Variants in OPCML observed in about 807,000 individuals in gnomAD.
OPCML encodes the protein opioid binding protein/cell adhesion molecule like.
Under a neutral mutation model 37.8 loss-of-function variants are expected in OPCML, and 13 were observed. That is an observed-to-expected ratio of 0.34 (90% CI 0.22 to 0.55). The LOEUF is 0.55. Ranked by LOEUF, OPCML falls within the 20% of genes least tolerant of loss-of-function variation. OPCML has a pLI of 0.91. For synonymous variants in OPCML, 176 were observed against 168.8 expected, an observed-to-expected ratio of 1.04 and a Z score of -0.33; for missense variants, 341 against 435.6, an observed-to-expected ratio of 0.78 and a Z score of 1.93.
chr11:133,120,860 C>A (rs1480888081), intron 1 of OPCML, among the ~76,000 whole-genome samples: 1 of 152,122 alleles, frequency 6.6e-6, no homozygotes, highest in Admixed American at 6.5e-5. Flanking sequence ...AGATACTGAA[C>A]ACCATCAGTT....
intron 2 of OPCML, among the ~76,000 whole-genome samples, chr11:132,939,083 C>A (rs1027653608): frequency 6.6e-6 from 1 of 152,170 alleles, no homozygotes; most frequent in Non-Finnish European, 1.5e-5. Context: ...GGAGTAAAGT[C>A]TTTGCATTTA....
At chr11:133,276,588 A>C (rs1350910076) in intron 1 of OPCML, among the ~76,000 whole-genome samples, 3 of 152,250 alleles carry the variant, frequency 2.0e-5, no homozygotes, top group Non-Finnish European at 4.4e-5. Context: ...TGACCTTGGC[A>C]GCTCTGACAT....
chr11:133,386,379 G>A (rs1362164252), intron 1 of OPCML, among the ~76,000 whole-genome samples: 1 of 152,164 alleles, frequency 6.6e-6, no homozygotes, highest in Non-Finnish European at 1.5e-5. Context: ...GTTTGCTTAT[G>A]GCGCATTTAA....
In OPCML at chr11:132,725,309, C is replaced by T. The variant is rs896739899; in HGVS notation, c.147-67990G>A. Among the ~76,000 whole-genome samples the T allele has an allele frequency of 2.6e-5, 4 of 152,230 alleles. No individual in the cohort carries two copies. In the South Asian group the frequency reaches 6.2e-4, roughly 24 times the overall value. On this transcript the variant is annotated intron_variant, in intron 2 of 7. Coordinates refer to ENST00000524381, the MANE Select transcript of OPCML (RefSeq NM_001012393.5). ...AGGCTTATAGTCTCTGAAATCACAGCCCAAACTCTACATTGGCCCCTTTTA... is the reference window on the plus strand; with the variant it reads ...AGGCTTATAGTCTCTGAAATCACAGTCCAAACTCTACATTGGCCCCTTTTA...
At chr11:133,006,395 AC>A (rs1194973759) in intron 1 of OPCML, 1 of 966,474 alleles carries the variant, frequency 1.0e-6, no homozygotes, top group Non-Finnish European at 1.2e-6. Flanking sequence ...GGGACAAAGA[AC>A]CCCATCTTTA....
rs889468885 is a variant in OPCML, at chr11:132,999,570, G to T, written c.62-56560C>A. On this transcript the variant is annotated intron_variant, in intron 1 of 7. Transcript: ENST00000524381. ...TCTGCTCCAAGTGACAAATGGGGTC[G>T]GGGGGGGAATGCCACCGGTAATGAA... Among the ~76,000 whole-genome samples, 10 of 105,460 alleles carry T rather than the reference G, an allele frequency of 9.5e-5. 1 individual carries two copies. Among genetic ancestry groups the T allele is most frequent in the Admixed American group, 2.7e-4 (2 of 7,294 alleles). 69.2% of individuals were successfully genotyped at this position (105,460 alleles called of 152,430 possible).
At chr11:132,981,546 G>A (rs78233878) in intron 1 of OPCML, among the ~76,000 whole-genome samples, 2,178 of 152,230 alleles carry the variant, frequency 0.014, 65 homozygotes, top group African/African-American at 0.05. Context: ...AGGAACCACC[G>A]CACGTTTATA....
intron 1 of OPCML, among the ~76,000 whole-genome samples, chr11:133,063,052 C>T (rs182892609): frequency 5.8e-4 from 89 of 152,302 alleles, no homozygotes; most frequent in Admixed American, 3.1e-3. Context: ...GGAGTTTTCC[C>T]GTTGTATTCC....
At chr11:132,937,592 T>G (rs200740706) in intron 2 of OPCML, among the ~76,000 whole-genome samples, 1 of 86,788 alleles carries the variant, frequency 1.2e-5, no homozygotes, top group Non-Finnish European at 2.5e-5. Context: ...GTGGCGTGTG[T>G]GGGGTGTGTG....
intron 1 of OPCML, among the ~76,000 whole-genome samples, chr11:133,330,635 A>G (rs1943597033): frequency 6.8e-6 from 1 of 147,242 alleles, no homozygotes; most frequent in Non-Finnish European, 1.5e-5. Context: ...GAATTGAACA[A>G]TGAGAACACA....
chr11:132,793,273 G>A (rs527314731), intron 2 of OPCML, among the ~76,000 whole-genome samples: 1 of 152,328 alleles, frequency 6.6e-6, no homozygotes, highest in South Asian at 2.1e-4. Flanking sequence ...AATCTGAGGG[G>A]AGTAGGGACA....
chr11:132,663,280 G>T (rs1224562092), intron 2 of OPCML, among the ~76,000 whole-genome samples: 1 of 152,130 alleles, frequency 6.6e-6, no homozygotes, highest in Non-Finnish European at 1.5e-5. Flanking sequence ...AGTGATAAAA[G>T]GTGTAAGACA....
intron 2 of OPCML, among the ~76,000 whole-genome samples, chr11:132,699,121 G>A (rs1210932667): frequency 6.6e-6 from 1 of 151,612 alleles, no homozygotes; most frequent in Admixed American, 6.6e-5. Context: ...TAATGCTATT[G>A]TAAATGGGAC....
chr11:133,331,995 T>G (rs1943629585), intron 1 of OPCML, among the ~76,000 whole-genome samples: 1 of 152,134 alleles, frequency 6.6e-6, no homozygotes, highest in Non-Finnish European at 1.5e-5. Context: ...TTGATAGGAG[T>G]AGCATAGAAT....
At chr11:132,425,684 T>C (rs1272449858) in intron 7 of OPCML, among the ~76,000 whole-genome samples, 1 of 152,182 alleles carries the variant, frequency 6.6e-6, no homozygotes, top group Admixed American at 6.5e-5. Context: ...TCTAGAATAC[T>C]AGGTTCTCAA....
At chr11:133,229,798 CTT>C (rs1940198781) in intron 1 of OPCML, among the ~76,000 whole-genome samples, 1 of 152,226 alleles carries the variant, frequency 6.6e-6, no homozygotes, top group Admixed American at 6.5e-5. Flanking sequence ...CAAGACCGCA[CTT>C]TGTTTTCACT....
chr11:133,439,426 G>A, intron 1 of OPCML: 1 of 985,036 alleles, frequency 1.0e-6, no homozygotes, highest in Non-Finnish European at 1.2e-6. Context: ...ATGCTTATGA[G>A]GCCAACCTAA....
At chr11:133,224,823 G>A (rs1485573298) in intron 1 of OPCML, among the ~76,000 whole-genome samples, 1 of 152,214 alleles carries the variant, frequency 6.6e-6, no homozygotes, top group East Asian at 1.9e-4. Context: ...ACAGTCCCAA[G>A]GAATTTGGAG....
intron 2 of OPCML, among the ~76,000 whole-genome samples, chr11:132,756,832 C>T (rs188931601): frequency 5.3e-5 from 8 of 152,098 alleles, no homozygotes; most frequent in Admixed American, 5.2e-4. Flanking sequence ...GCAGAACGTG[C>T]AGGTTTGTTA....
Sources: allele counts gnomAD v4.1 joint callset (sites outside exome capture counted in the v4.1 genomes callset), GRCh38; gene constraint gnomAD v4.1.1; transcripts MANE v1.5; gene names NCBI Gene and HGNC (gene_info 2026-07-23, HGNC 2026-07-21).